ADD2: variants seen among roughly 807,000 people sequenced by gnomAD.
The protein encoded by ADD2 is adducin 2, also known as beta-adducin.
In ADD2, 23 loss-of-function variants were observed where a neutral mutation model predicts 83.0. The ratio of observed to expected loss-of-function variants is 0.28; its 90% CI spans 0.20 to 0.39. The LOEUF is 0.39. Among genes scored for constraint, ADD2 ranks in the 10% least tolerant of loss-of-function variants. The probability of loss-of-function intolerance (pLI) is 1.00; values close to 1 mark genes in which losing one functional copy is unlikely to be tolerated. For synonymous variants in ADD2, 375 were observed against 375.4 expected (o/e 1.00, Z 0.01); for missense variants, 758 against 944.9 (o/e 0.80, Z 2.59).
In ADD2 at chr2:70,676,328, T is replaced by C; in HGVS notation, c.1593+468A>G. ...CCTTCCCATCCTGTAGGAGCATGGGTCCTGTCTATATACCCCTTCTCTATG... is the reference window on the plus strand; with the variant it reads ...CCTTCCCATCCTGTAGGAGCATGGGCCCTGTCTATATACCCCTTCTCTATG... On this transcript the variant is annotated intron_variant, in intron 13 of 15. Coordinates refer to ENST00000264436, the MANE Select transcript of ADD2 (RefSeq NM_001617.4). The surrounding 1 kb of genome is among the most constrained non-coding windows in gnomAD (Gnocchi z 4.8). 1 of 1,021,396 alleles carries C rather than the reference T, an allele frequency of 9.8e-7. No homozygotes were observed. The highest frequency in any genetic ancestry group is 1.2e-6 in the Non-Finnish European group (1 of 853,718). The allele number at this position is 1,021,396 out of a possible 1,614,324, so 63.3% of individuals were successfully genotyped here. A position where few individuals can be genotyped will look rare whatever the true frequency, so the allele number is the denominator to read the frequency against.
chr2:70,683,740 C>T lies in ADD2; in HGVS notation c.976G>A (p.Val326Met), dbSNP rs1670583138. The change falls in exon 10 of 16, where the codon GTG becomes ATG. Residue 326 changes from valine (V) to methionine (M), a missense_variant. Transcript: ENST00000264436. ...QVSALSSAGG[V>M]ENLILLEQEK... ...TGCTCCAGGAGGATGAGGTTCTCCA[C>T]TCCCCCGGCACTGGACAGAGCCGAC... 13 of 1,614,036 alleles carry T rather than the reference C, an allele frequency of 8.1e-6. No homozygotes were observed. Among genetic ancestry groups the T allele is most frequent in the Non-Finnish European group, 1.1e-5 (13 of 1,179,940 alleles).
chr2:70,716,535 A>G (rs1370945373), intron 1 of ADD2, among the ~76,000 whole-genome samples: 1 of 152,072 alleles, frequency 6.6e-6, no homozygotes, highest in Non-Finnish European at 1.5e-5. Context: ...GGCAGCAACA[A>G]TCTATTACCG....
At chr2:70,685,842 C>T (rs1670693997) in intron 9 of ADD2, among the ~76,000 whole-genome samples, 1 of 152,172 alleles carries the variant, frequency 6.6e-6, no homozygotes, top group Non-Finnish European at 1.5e-5. Context: ...CCCCAGTTTC[C>T]ATGGTGATGG....
At chr2:70,741,134 G>A (rs1447974571) in intron 1 of ADD2, among the ~76,000 whole-genome samples, 1 of 152,198 alleles carries the variant, frequency 6.6e-6, no homozygotes, top group Non-Finnish European at 1.5e-5. Flanking sequence ...TGCAGAGAAA[G>A]TTACCAAATA....
At chr2:70,764,467 C>T (rs1675280476) in intron 1 of ADD2, among the ~76,000 whole-genome samples, 1 of 151,626 alleles carries the variant, frequency 6.6e-6, no homozygotes, top group African/African-American at 2.4e-5. Context: ...TCCACTATTC[C>T]AACTCCCCTT....
chr2:70,719,730 G>A (rs1672639732), intron 1 of ADD2, among the ~76,000 whole-genome samples: 2 of 152,196 alleles, frequency 1.3e-5, no homozygotes, highest in African/African-American at 4.8e-5. Context: ...AGGCTGTCCT[G>A]GAATCCAGTC....
At chr2:70,710,006 T>C (rs1246288014) in intron 2 of ADD2, among the ~76,000 whole-genome samples, 1 of 152,194 alleles carries the variant, frequency 6.6e-6, no homozygotes, top group African/African-American at 2.4e-5. Flanking sequence ...CAGAACAAAA[T>C]TCTTCCAGAG....
intron 13 of ADD2, chr2:70,675,398 A>G: frequency 5.1e-6 from 5 of 985,664 alleles, no homozygotes; most frequent in Non-Finnish European, 6.0e-6. Context: ...TGAGTCTCAG[A>G]TCTTCAACCT....
At chr2:70,728,273 A>T (rs577006566) in intron 1 of ADD2, among the ~76,000 whole-genome samples, 1 of 152,220 alleles carries the variant, frequency 6.6e-6, no homozygotes, top group African/African-American at 2.4e-5. Context: ...TTAAAAGGCC[A>T]TTTCCAGTAC....
In ADD2 at chr2:70,692,367, G is replaced by A. The variant is rs373926721; in HGVS notation, c.705+36C>T. 31 of 1,502,574 alleles carry A rather than the reference G, an allele frequency of 2.1e-5. 1 individual carries two copies. In the African/African-American group the frequency reaches 2.1e-4, roughly 10 times the overall value. 93.1% of individuals were successfully genotyped at this position (1,502,574 alleles called of 1,614,324 possible). A position where few individuals can be genotyped will look rare whatever the true frequency, so the allele number is the denominator to read the frequency against. On this transcript the variant is annotated intron_variant, in intron 7 of 15. Transcript: ENST00000264436. Reference sequence around the variant, plus strand: ...ATTGCTACAACCTCGGCAGCCTTACGTCTTTCCTTGGGTGGCTGAGAAGGA... The same window carrying A: ...ATTGCTACAACCTCGGCAGCCTTACATCTTTCCTTGGGTGGCTGAGAAGGA...
chr2:70,696,931 C>T (rs147486480), intron 4 of ADD2, among the ~76,000 whole-genome samples: 56 of 152,192 alleles, frequency 3.7e-4, no homozygotes, highest in Admixed American at 2.8e-3. Flanking sequence ...GAGGTCGAGG[C>T]GGGCGGATCA....
At chr2:70,701,303 A>C (rs895599986) in intron 4 of ADD2, among the ~76,000 whole-genome samples, 6 of 152,158 alleles carry the variant, frequency 3.9e-5, no homozygotes, top group African/African-American at 9.6e-5. Flanking sequence ...GGAAAAAAAA[A>C]CCAATAAATG....
chr2:70,663,779 G>A lies in ADD2; in HGVS notation c.1871-44C>T, dbSNP rs782484014. Reference sequence around the variant, plus strand: ...ATATGACCTGTAAGATTTCATTCAGGTGACAGCTTCCACCTGGGGCTAACA... The same window carrying A: ...ATATGACCTGTAAGATTTCATTCAGATGACAGCTTCCACCTGGGGCTAACA... On this transcript the variant is annotated intron_variant, in intron 15 of 15. Transcript: ENST00000264436. 4.5e-6 allele frequency: 7 copies of A among 1,570,862 alleles called. No homozygotes were observed. In the South Asian group the frequency reaches 7.0e-5, roughly 16 times the overall value.
At chr2:70,667,929 T>G (rs1164553178) in intron 15 of ADD2, among the ~76,000 whole-genome samples, 2 of 152,168 alleles carry the variant, frequency 1.3e-5, no homozygotes, top group Non-Finnish European at 2.9e-5. Flanking sequence ...AGGATTAGCA[T>G]TTGAATCAGT....
intron 1 of ADD2, among the ~76,000 whole-genome samples, chr2:70,733,329 T>C (rs1673373593): frequency 6.6e-6 from 1 of 152,222 alleles, no homozygotes; most frequent in Non-Finnish European, 1.5e-5. Context: ...GGTGCATGCA[T>C]AAAACACCAT....
chr2:70,749,382 T>C (rs1674395709), intron 1 of ADD2, among the ~76,000 whole-genome samples: 1 of 152,056 alleles, frequency 6.6e-6, no homozygotes, highest in Non-Finnish European at 1.5e-5. Context: ...AAACCTAGAA[T>C]TGCATAGGAA....
intron 7 of ADD2, among the ~76,000 whole-genome samples, chr2:70,692,030 GAA>G (rs1408947758): frequency 2.0e-5 from 3 of 152,218 alleles, no homozygotes; most frequent in African/African-American, 7.2e-5. Flanking sequence ...TGAGCTATGG[GAA>G]AACGGGCACA....
intron 4 of ADD2, 58 bp downstream of exon 4, chr2:70,704,263 T>TGGGCCCCCCCCCCCCCCCCCCCCC: frequency 4.6e-5 from 42 of 913,222 alleles, no homozygotes; most frequent in East Asian, 8.8e-5. Context: ...CTCCCTCTCT[T>TGGGCCCCCCCCCCCCCCCCCCCCC]CCCCACCCCA....
chr2:70,727,124 T>C (rs532458748), intron 1 of ADD2, among the ~76,000 whole-genome samples: 37 of 152,214 alleles, frequency 2.4e-4, no homozygotes, highest in Non-Finnish European at 4.4e-4. Flanking sequence ...AATGCTAGGA[T>C]TGATTTCCAG....
Sources: allele counts gnomAD v4.1 joint callset (sites outside exome capture counted in the v4.1 genomes callset), GRCh38; gene constraint gnomAD v4.1.1; non-coding constraint Gnocchi (gnomAD v3.1); transcripts MANE v1.5; gene names NCBI Gene and HGNC (gene_info 2026-07-23, HGNC 2026-07-21).